OS9: variants seen among roughly 807,000 people sequenced by gnomAD.
OS9 encodes OS9 endoplasmic reticulum lectin, also known as protein OS-9.
Under a neutral mutation model 84.7 loss-of-function variants are expected in OS9, and 58 were observed. That is an observed-to-expected ratio of 0.68 (90% CI 0.55 to 0.85). OS9 has a LOEUF of 0.85. Ranked by LOEUF, OS9 falls within the 40% of genes least tolerant of loss-of-function variation. The pLI is 0.00. For missense variants in OS9, 760 were observed against 850.9 expected (o/e 0.89, Z 1.33); for synonymous variants, 278 against 320.8 (o/e 0.87, Z 1.43).
chr12:57,718,071 A>G (rs1418540931), intron 10 of OS9, 75 bp from the exon 11 acceptor site: 9 of 1,545,950 alleles, frequency 5.8e-6, no homozygotes, highest in African/African-American at 1.4e-5. Flanking sequence ...CACACCTGCT[A>G]CTGTTTGTCT....
rs367563656 is a variant in OS9 at position 57,716,727 on chromosome 12, C to A, written c.1028C>A (p.Ala343Asp). The part of the protein sequence containing the change: ...QDPSPEAADS[A>D]SGAPNDFQNN... ...CCAAGCCCTGAGGCAGCAGATTCAGCTTCTGGTGCTCCCAATGGTGAGTGA... is the reference window on the plus strand; with the variant it reads ...CCAAGCCCTGAGGCAGCAGATTCAGATTCTGGTGCTCCCAATGGTGAGTGA... The change falls in exon 9 of 15, where the codon GCT (alanine) becomes GAT (aspartate). Residue 343 changes from alanine to aspartate, a missense_variant. Ala to Asp is a moderately radical substitution (Grantham distance 126, BLOSUM62 -2). Coordinates refer to ENST00000315970, the MANE Select transcript of OS9 (RefSeq NM_006812.4). 2 of 1,613,928 alleles carry A rather than the reference C, an allele frequency of 1.2e-6. No homozygotes were observed. The highest frequency in any genetic ancestry group is 1.6e-4 in the Middle Eastern group (1 of 6,062).
chr12:57,695,384 G>C (rs1023971049), intron 2 of OS9: 6 of 407,746 alleles, frequency 1.5e-5, no homozygotes, highest in Non-Finnish European at 2.8e-5. Context: ...GTTCACAGTT[G>C]TATTCCCAGT....
chr12:57,711,846 T>C (rs1018272852), intron 5 of OS9, among the ~76,000 whole-genome samples: 10 of 152,166 alleles, frequency 6.6e-5, no homozygotes, highest in African/African-American at 2.4e-4. Context: ...CCCAACACTT[T>C]GGGAGGCTGA....
chr12:57,694,957 G>A, intron 2 of OS9, 31 bp downstream of exon 2: 1 of 1,601,134 alleles, frequency 6.2e-7, no homozygotes, highest in Admixed American at 1.7e-5. Context: ...TAGAATGAGG[G>A]CTTGGAAACT....
chr12:57,694,134 A>T lies in OS9; in HGVS notation c.-28A>T. ...GCTGCCTGGCTTAGGGCGGAAACAG[A>T]TTCTCTGCATAAGAAGGGGAACGAA... On this transcript the variant is annotated 5_prime_UTR_variant, in exon 1 of 15. Transcript: ENST00000315970. The T allele has an allele frequency of 6.2e-7, 1 of 1,613,748 alleles. No homozygotes were observed. Among genetic ancestry groups the T allele is most frequent in the Non-Finnish European group, 8.5e-7 (1 of 1,179,664 alleles).
intron 5 of OS9, among the ~76,000 whole-genome samples, chr12:57,706,139 C>G (rs1190852333): frequency 6.6e-6 from 1 of 152,084 alleles, no homozygotes; most frequent in African/African-American, 2.4e-5. Flanking sequence ...TTCCTGCAGG[C>G]TTTTTGCAGA....
chr12:57,717,344 G>A (rs1241655879), intron 9 of OS9, among the ~76,000 whole-genome samples: 1 of 152,164 alleles, frequency 6.6e-6, no homozygotes, highest in Non-Finnish European at 1.5e-5. Flanking sequence ...GTCCTTCCTT[G>A]GTCTCTCATT....
Position 57,697,912 on chromosome 12 carries a change from CACACACACACAT to C in OS9, c.579+1551_579+1562del, listed in dbSNP as rs1201605923. ...ACACGGAACCTAACATAAGCAAACACACACACACACATACACACACACACACACACACACACA... is the reference window on the plus strand; with the variant it reads ...ACACGGAACCTAACATAAGCAAACACACACACACACACACACACACACACA... On this transcript the variant is annotated intron_variant, in intron 5 of 14. Coordinates refer to ENST00000315970, the MANE Select transcript of OS9 (RefSeq NM_006812.4). Among the ~76,000 whole-genome samples the C allele has an allele frequency of 1.0e-3, 68 of 65,188 alleles. 4 individuals carry two copies. The highest frequency in any genetic ancestry group is 3.4e-3 in the African/African-American group (66 of 19,370). The allele number at this position is 65,188 out of a possible 152,430, so 42.8% of individuals were successfully genotyped here.
rs746311378 is a variant in OS9, at chr12:57,694,215, C to T, written c.54C>T (p.Leu18=). The change falls in exon 1 of 15, where the codon CTC becomes CTT. Residue 18 remains leucine, a synonymous_variant. Coordinates refer to ENST00000315970, the MANE Select transcript of OS9 (RefSeq NM_006812.4). ...TGTTAGGACTGCTGCTTCTGGGACT[C>T]CTGTTACCCGCAAGTCTGACCGGCG... ...SSLLGLLLLG[L]LLPASLTGGV... is the part of the protein sequence containing the mutation. 3 of 1,614,116 alleles carry T rather than the reference C, an allele frequency of 1.9e-6. No individual in the cohort carries two copies. The highest frequency in any genetic ancestry group is 1.7e-5 in the Admixed American group (1 of 60,008).
chr12:57,712,836 C>T (rs905964359), intron 5 of OS9, among the ~76,000 whole-genome samples: 10 of 151,738 alleles, frequency 6.6e-5, no homozygotes, highest in Admixed American at 2.6e-4. Flanking sequence ...CTGCACACAG[C>T]CACACTAGAT....
At chr12:57,719,450 G>T (rs1954612465) in intron 12 of OS9, 1 of 451,560 alleles carries the variant, frequency 2.2e-6, no homozygotes, top group East Asian at 3.7e-5. Flanking sequence ...CTAGCACTCT[G>T]CCTGGCACAC....
intron 5 of OS9, among the ~76,000 whole-genome samples, chr12:57,709,329 G>C (rs1954262681): frequency 6.6e-6 from 1 of 151,994 alleles, no homozygotes; most frequent in Non-Finnish European, 1.5e-5. Context: ...TACTATTTTG[G>C]TTGCATCCCT....
intron 2 of OS9, 155 bp from the exon 3 acceptor site, chr12:57,695,625 T>TA (rs769056280): frequency 5.6e-5 from 40 of 720,576 alleles, no homozygotes; most frequent in Non-Finnish European, 1.0e-4. Flanking sequence ...CCTCCCTCCT[T>TA]ACTGAAAGTC....
chr12:57,706,885 A>G (rs1954185061), intron 5 of OS9, among the ~76,000 whole-genome samples: 1 of 151,210 alleles, frequency 6.6e-6, no homozygotes, highest in Admixed American at 6.6e-5. Context: ...GATAAAATAA[A>G]TCCTCCCCAT....
chr12:57,696,415 G>A (rs1479593744), intron 5 of OS9, 42 bp downstream of exon 5: 1 of 899,140 alleles, frequency 1.1e-6, no homozygotes, highest in East Asian at 5.0e-5. Context: ...CACAGGGACA[G>A]TTCAGATTCT....
rs1044244904 is a variant in OS9 at position 57,719,161 on chromosome 12, C to G, written c.1579C>G (p.Pro527Ala). The G allele has an allele frequency of 6.2e-7, 1 of 1,614,042 alleles. No individual in the cohort carries two copies. The change falls in exon 12 of 15, where the codon CCC (proline) becomes GCC (alanine). Residue 527 changes from proline (P) to alanine (A), a missense_variant. Coordinates refer to ENST00000315970, the MANE Select transcript of OS9 (RefSeq NM_006812.4). The part of the protein sequence containing the change: ...KKKRVVPKKP[P>A]PSPQPTEEDP... Reference sequence around the variant, plus strand: ...AAAGAGGGTTGTCCCCAAAAAGCCTCCCCCATCACCCCAACCTACAGGTGA... The same window carrying G: ...AAAGAGGGTTGTCCCCAAAAAGCCTGCCCCATCACCCCAACCTACAGGTGA...
At chr12:57,704,526 G>T (rs1954112936) in intron 5 of OS9, among the ~76,000 whole-genome samples, 1 of 143,566 alleles carries the variant, frequency 7.0e-6, no homozygotes, top group Non-Finnish European at 1.6e-5. Flanking sequence ...GACAGAGCAA[G>T]ACTCCATCTC....
At chr12:57,719,527 T>G in intron 12 of OS9, 1 of 247,378 alleles carries the variant, frequency 4.0e-6, no homozygotes. Context: ...CTTTAGGACT[T>G]TGCACCAAGA....
At position 57,716,715 on chromosome 12, in the gene OS9, C is replaced by T. The variant is rs1420699491; in HGVS notation, c.1016C>T (p.Ala339Val). ...CAGGAGCAGGACCCAAGCCCTGAGG[C>T]AGCAGATTCAGCTTCTGGTGCTCCC... ...PAEEQDPSPE[A>V]ADSASGAPND... Residue 339 changes from alanine (A) to valine (V), a missense_variant, in exon 9 of 15, where the codon GCA (alanine) becomes GTA (valine). Transcript: ENST00000315970. 2.5e-6 allele frequency: 4 copies of T among 1,614,078 alleles called. No individual in the cohort carries two copies. The South Asian group carries it at 3.3e-5, about 13-fold the overall frequency.
Sources: gnomAD v4.1 joint callset for allele counts (sites outside exome capture counted in the v4.1 genomes callset) on GRCh38, gnomAD v4.1.1 for gene constraint, MANE v1.5 for transcripts, NCBI Gene and HGNC (gene_info 2026-07-23, HGNC 2026-07-21) for gene names.